Variants in TMEM225 observed in about 807,000 individuals in gnomAD.
The protein encoded by TMEM225 is PMP22 claudin domain-containing protein.
In TMEM225, 10 loss-of-function variants were observed where a neutral mutation model predicts 17.6. The observed-to-expected ratio is 0.57, with a 90% confidence interval of 0.35 to 0.96. TMEM225 has a LOEUF of 0.96. TMEM225 is among the 40% of genes least tolerant of loss of function. TMEM225 has a pLI of 0.02. For synonymous variants in TMEM225, 101 were observed against 94.5 expected, an observed-to-expected ratio of 1.07 and a Z score of -0.40; for missense variants, 245 against 271.5, an observed-to-expected ratio of 0.90 and a Z score of 0.69.
chr11:123,884,320 C>A (rs1863008945), intron 2 of TMEM225, 111 bp from the exon 3 acceptor site: 2 of 1,397,986 alleles, frequency 1.4e-6, no homozygotes, highest in Non-Finnish European at 1.9e-6. Flanking sequence ...GACTTCCCAA[C>A]CCCCACCCGG....
chr11:123,883,376 G>T, intron 3 of TMEM225, 24 bp from the exon 4 acceptor site: 2 of 1,541,708 alleles, frequency 1.3e-6, no homozygotes, highest in Non-Finnish European at 1.8e-6. Flanking sequence ...ATTCCAGGGA[G>T]TGGGATGAAG....
At chr11:123,884,408 T>A in intron 2 of TMEM225, 82 bp downstream of exon 2, 2 of 1,339,352 alleles carry the variant, frequency 1.5e-6, no homozygotes, top group Non-Finnish European at 2.0e-6. Flanking sequence ...CATATATATA[T>A]ATATAGTTTT....
Position 123,883,302 on chromosome 11 carries a change from G to A in TMEM225, c.514C>T (p.Leu172=). The change falls in exon 4 of 4, where the codon CTG becomes TTG. Residue 172 remains leucine (L), a synonymous_variant. Transcript: ENST00000375026. ...CKLSTSSCTC[L]NIHKSDNECK... ...TCGTTGTCAGATTTATGGATGTTCA[G>A]GCAGGTACAGCTACTGGTAGACAAC... is the stretch of plus-strand genomic sequence containing the variant. 1 of 1,613,250 alleles carries A rather than the reference G, an allele frequency of 6.2e-7. No individual in the cohort carries two copies. Among genetic ancestry groups the A allele is most frequent in the Non-Finnish European group, 8.5e-7 (1 of 1,179,530 alleles).
Position 123,883,297 on chromosome 11 carries a change from G to A in TMEM225, c.519C>T (p.Asn173=), listed in dbSNP as rs1862988546. The A allele has an allele frequency of 6.2e-7, 1 of 1,613,188 alleles. No individual in the cohort carries two copies. Among genetic ancestry groups the A allele is most frequent in the Admixed American group, 1.7e-5 (1 of 59,898 alleles). The change falls in exon 4 of 4, where the codon AAC becomes AAT. Residue 173 remains asparagine (N), a synonymous_variant. Transcript: ENST00000375026. Reference sequence around the variant, plus strand: ...TACATTCGTTGTCAGATTTATGGATGTTCAGGCAGGTACAGCTACTGGTAG... The same window carrying A: ...TACATTCGTTGTCAGATTTATGGATATTCAGGCAGGTACAGCTACTGGTAG... ...KLSTSSCTCL[N]IHKSDNECKE...
At chr11:123,884,467 T>G in intron 2 of TMEM225, 23 bp downstream of exon 2, 1 of 1,599,396 alleles carries the variant, frequency 6.3e-7, no homozygotes, top group Non-Finnish European at 8.5e-7. Flanking sequence ...TACAAGCTTG[T>G]GTTAGGGGAG....
rs1020201426 is a variant in TMEM225, at chr11:123,883,084, C to G, written c.*54G>C. ...CATGGTTGGAGACACAGCACACACC[C>G]ACAAAGCTTTTTCCATAAAGATGAG... On this transcript the variant is annotated 3_prime_UTR_variant, in exon 4 of 4. Transcript: ENST00000375026. 8 of 1,455,330 alleles carry G rather than the reference C, an allele frequency of 5.5e-6. No individual in the cohort carries two copies. Among genetic ancestry groups the G allele is most frequent in the Non-Finnish European group, 7.7e-6 (8 of 1,040,656 alleles). The allele number at this position is 1,455,330 out of a possible 1,614,324, so 90.2% of individuals were successfully genotyped here.
Position 123,885,472 on chromosome 11 carries a change from T to C in TMEM225, c.-47A>G. Reference sequence around the variant, plus strand: ...GGAACCACCACCACTATTTTGTAGATCTCTTCCTTGATTTGATTAGTTACA... The same window carrying C: ...GGAACCACCACCACTATTTTGTAGACCTCTTCCTTGATTTGATTAGTTACA... On this transcript the variant is annotated 5_prime_UTR_variant, in exon 1 of 4. Coordinates refer to ENST00000375026, the MANE Select transcript of TMEM225 (RefSeq NM_001013743.3). 6.4e-7 allele frequency: 1 copy of C among 1,556,466 alleles called. No individual in the cohort carries two copies. Among genetic ancestry groups the C allele is most frequent in the Non-Finnish European group, 8.8e-7 (1 of 1,142,806 alleles).
At chr11:123,884,023 G>A (rs1177512242) in intron 3 of TMEM225, 52 bp downstream of exon 3, 13 of 1,532,934 alleles carry the variant, frequency 8.5e-6, no homozygotes, top group Non-Finnish European at 1.1e-5. Context: ...CCTTCCCTCT[G>A]TCGGGGATGG....
Position 123,885,366 on chromosome 11 carries a change from G to T in TMEM225, c.60C>A (p.Ala20=), listed in dbSNP as rs369900040. The stretch of plus-strand genomic sequence containing the variant: ...TGATTCCCATCACCATTAAGACTAC[G>T]GCCCAGGAGGAGAAAAGTATGTTCA... ...QGMNILFSSW[A]VVLMVMGITL... is the part of the protein sequence containing the mutation. Residue 20 remains alanine, a synonymous_variant, in exon 1 of 4, where the codon GCC becomes GCA. Coordinates refer to ENST00000375026, the MANE Select transcript of TMEM225 (RefSeq NM_001013743.3). 8 of 1,613,254 alleles carry T rather than the reference G, an allele frequency of 5.0e-6. No individual in the cohort carries two copies. The highest frequency in any genetic ancestry group is 6.8e-6 in the Non-Finnish European group (8 of 1,179,656).
rs779709973 is a variant in TMEM225, at chr11:123,884,225, A to G, written c.329-16T>C. 5 of 821,164 alleles carry G rather than the reference A, an allele frequency of 6.1e-6. No individual in the cohort carries two copies. The highest frequency in any genetic ancestry group is 8.6e-6 in the Non-Finnish European group (5 of 583,864). 50.9% of individuals were successfully genotyped at this position (821,164 alleles called of 1,614,324 possible). A position where few individuals can be genotyped will look rare whatever the true frequency, so the allele number is the denominator to read the frequency against. On this transcript the variant is annotated splice_polypyrimidine_tract_variant and intron_variant, in intron 2 of 3. Transcript: ENST00000375026. Reference sequence around the variant, plus strand: ...AGAGAGATACCTGATGTCCAGACAAAAAAAAAAAAAAAAAAAGAAAAAGAA... The same window carrying G: ...AGAGAGATACCTGATGTCCAGACAAGAAAAAAAAAAAAAAAAGAAAAAGAA...
In TMEM225 at chr11:123,885,479, CTTGAT is replaced by C. The variant is rs1475705466; in HGVS notation, c.-59_-55del. 6.5e-7 allele frequency: 1 copy of C among 1,534,518 alleles called. No homozygotes were observed. The highest frequency in any genetic ancestry group is 8.9e-7 in the Non-Finnish European group (1 of 1,127,046). On this transcript the variant is annotated 5_prime_UTR_variant, in exon 1 of 4. Coordinates refer to ENST00000375026, the MANE Select transcript of TMEM225 (RefSeq NM_001013743.3). The stretch of plus-strand genomic sequence containing the variant: ...CCACCACTATTTTGTAGATCTCTTC[CTTGAT>C]TTGATTAGTTACAAGAAGGGTGATA...
At position 123,884,545 on chromosome 11, in the gene TMEM225, C is replaced by T; in HGVS notation, c.273G>A (p.Leu91=). 1.2e-6 allele frequency: 2 copies of T among 1,613,210 alleles called. No homozygotes were observed. The highest frequency in any genetic ancestry group is 1.7e-6 in the Non-Finnish European group (2 of 1,179,558). The change falls in exon 2 of 4, where the codon CTG becomes CTA. Residue 91 remains leucine, a synonymous_variant. Coordinates refer to ENST00000375026, the MANE Select transcript of TMEM225 (RefSeq NM_001013743.3). ...GTTGTATATATTTATTTTGAGGAATCAGATAGGTGAATTTCATACCCAGGA... is the reference window on the plus strand; with the variant it reads ...GTTGTATATATTTATTTTGAGGAATTAGATAGGTGAATTTCATACCCAGGA... ...NLILGMKFTY[L]IPQNKYIQLF... is the part of the protein sequence containing the mutation.
At chr11:123,884,406 T>A (rs1591433141) in intron 2 of TMEM225, 84 bp downstream of exon 2, 2 of 1,334,414 alleles carry the variant, frequency 1.5e-6, no homozygotes, top group Non-Finnish European at 2.0e-6. Context: ...TACATATATA[T>A]ATATATAGTT....
chr11:123,884,938 C>T (rs2058392772), intron 1 of TMEM225, among the ~76,000 whole-genome samples: 1 of 152,106 alleles, frequency 6.6e-6, no homozygotes, highest in Non-Finnish European at 1.5e-5. Context: ...TACTTAATGC[C>T]AGTTACGTTT....
In TMEM225 at chr11:123,884,077, C is replaced by G. The variant is rs771623038; in HGVS notation, c.461G>C (p.Cys154Ser). The G allele has an allele frequency of 2.5e-6, 4 of 1,607,574 alleles. No individual in the cohort carries two copies. The South Asian group carries it at 4.4e-5, about 18-fold the overall frequency. The change falls in exon 3 of 4, where the codon TGT becomes TCT. Residue 154 changes from cysteine (C) to serine (S), a missense_variant and splice_region_variant. Coordinates refer to ENST00000375026, the MANE Select transcript of TMEM225 (RefSeq NM_001013743.3). The part of the protein sequence containing the change: ...AYLNVFFLSV[C>S]GVLSLLECKL... ...TCAGGGGCCCTGGAGACACTCACCA[C>G]AGACAGACAAGAAGAAAACATTTAA...
intron 3 of TMEM225, among the ~76,000 whole-genome samples, 163 bp from the exon 4 acceptor site, chr11:123,883,515 G>A (rs1294271865): frequency 6.6e-6 from 1 of 152,150 alleles, no homozygotes; most frequent in African/African-American, 2.4e-5. Flanking sequence ...AACCGGAAGT[G>A]TATGTACAAT....
At chr11:123,884,322 C>T (rs1863009091) in intron 2 of TMEM225, 113 bp from the exon 3 acceptor site, 1 of 1,388,260 alleles carries the variant, frequency 7.2e-7, no homozygotes. Flanking sequence ...CTTCCCAACC[C>T]CCACCCGGTC....
intron 1 of TMEM225, 69 bp downstream of exon 1, chr11:123,885,176 G>T: frequency 6.9e-7 from 1 of 1,443,896 alleles, no homozygotes; most frequent in Non-Finnish European, 9.5e-7. Context: ...ATTAATGCAA[G>T]TTAAGGAAAG....
At position 123,883,361 on chromosome 11, in the gene TMEM225, AAG is replaced by A; in HGVS notation, c.464-11_464-10del. On this transcript the variant is annotated splice_polypyrimidine_tract_variant and intron_variant, in intron 3 of 3. Coordinates refer to ENST00000375026, the MANE Select transcript of TMEM225 (RefSeq NM_001013743.3). ...TAGGAGAGAGAGGACTCCTAGGGAA[AAG>A]AGATTCCAGGGAGTGGGATGAAGGG... 6.3e-7 allele frequency: 1 copy of A among 1,594,316 alleles called. No homozygotes were observed. The highest frequency in any genetic ancestry group is 1.1e-5 in the South Asian group (1 of 90,604).
Sources: allele counts gnomAD v4.1 joint callset (sites outside exome capture counted in the v4.1 genomes callset), GRCh38; gene constraint gnomAD v4.1.1; transcripts MANE v1.5; gene names NCBI Gene and HGNC (gene_info 2026-07-23, HGNC 2026-07-21).